FLI1: variants seen among roughly 807,000 people sequenced by gnomAD.
The protein encoded by FLI1 is Friend leukemia integration 1 transcription factor.
Under a neutral mutation model 53.1 loss-of-function variants are expected in FLI1, and 13 were observed. The ratio of observed to expected loss-of-function variants is 0.24; its 90% confidence interval spans 0.16 to 0.39. The LOEUF is 0.39. FLI1 is among the 10% of genes least tolerant of loss of function. The pLI, the probability that FLI1 is intolerant of heterozygous loss-of-function variation, is 1.00. For missense variants in FLI1, 424 were observed against 600.5 expected (o/e 0.71, Z 3.07); for synonymous variants, 244 against 236.7 (o/e 1.03, Z -0.28).
rs779993972 is a variant in FLI1 at position 128,810,860 on chromosome 11, A to T, written c.1231A>T (p.Thr411Ser). Reference protein sequence around the residue: ...VPPHPSSMPVTSSSFFGAASQ... With the variant: ...VPPHPSSMPVSSSSFFGAASQ... ...TCCCCATCCATCCTCCATGCCTGTC[A>T]CTTCCTCCAGCTTCTTTGGAGCCGC... Residue 411 changes from threonine (T) to serine (S), a missense_variant, in exon 9 of 9, where the codon ACT (threonine) becomes TCT (serine). Transcript: ENST00000527786. The surrounding 1 kb of genome is among the most constrained non-coding windows in gnomAD (Gnocchi z 6.6). 5.5e-5 allele frequency: 89 copies of T among 1,613,868 alleles called. No homozygotes were observed. The highest frequency in any genetic ancestry group is 7.4e-5 in the Non-Finnish European group (87 of 1,179,884).
chr11:128,686,244 T>C (rs1439567654), upstream of FLI1: 3 of 430,302 alleles, frequency 7.0e-6, no homozygotes, highest in Non-Finnish European at 4.7e-6. Flanking sequence ...CTGGTCGCGT[T>C]CTCTCCTCAA....
At chr11:128,770,838 C>T (rs1418971695) in intron 3 of FLI1, among the ~76,000 whole-genome samples, 1 of 152,182 alleles carries the variant, frequency 6.6e-6, no homozygotes, top group African/African-American at 2.4e-5. Flanking sequence ...CTAATTGCTT[C>T]TGGAGAGTAA....
intron 1 of FLI1, among the ~76,000 whole-genome samples, chr11:128,727,556 G>T (rs775165438): frequency 3.3e-5 from 5 of 152,208 alleles, no homozygotes; most frequent in Non-Finnish European, 5.9e-5. Context: ...AAGGGCTGAT[G>T]TATCAGCTTC....
chr11:128,716,655 T>A (rs1477248554), intron 1 of FLI1, among the ~76,000 whole-genome samples: 1 of 152,102 alleles, frequency 6.6e-6, no homozygotes, highest in Non-Finnish European at 1.5e-5. Flanking sequence ...CTGCTCCTGA[T>A]GGAATGGAGT....
At chr11:128,802,082 T>A (rs1051518816) in intron 5 of FLI1, among the ~76,000 whole-genome samples, 5 of 152,208 alleles carry the variant, frequency 3.3e-5, no homozygotes, top group Admixed American at 6.5e-5. Context: ...ATTGCTAACA[T>A]CCACTGAGGC....
chr11:128,714,649 A>G (rs1938927106), intron 1 of FLI1, among the ~76,000 whole-genome samples: 1 of 149,092 alleles, frequency 6.7e-6, no homozygotes, highest in African/African-American at 2.5e-5. Flanking sequence ...AATGATGATG[A>G]TGATGATGGT....
chr11:128,757,044 T>TTTCTTTCTTTCTTTCTTTC (rs1555116906), intron 1 of FLI1, among the ~76,000 whole-genome samples: 1 of 107,028 alleles, frequency 9.3e-6, no homozygotes, highest in Non-Finnish European at 1.9e-5. Flanking sequence ...CTAGCTAATT[T>TTTCTTTCTTTCTTTCTTTC]TTTCTTTCTT....
At chr11:128,759,663 G>T (rs187226451) in intron 2 of FLI1, among the ~76,000 whole-genome samples, 2 of 152,338 alleles carry the variant, frequency 1.3e-5, no homozygotes. Context: ...GGCTGGTGCT[G>T]TGAGCAGCCG....
In FLI1 at chr11:128,763,983, C is replaced by T. The variant is rs11221461; in HGVS notation, c.231-4135C>T. On this transcript the variant is annotated intron_variant, in intron 2 of 8. Coordinates refer to ENST00000527786, the MANE Select transcript of FLI1 (RefSeq NM_002017.5). The stretch of plus-strand genomic sequence containing the variant: ...TAATTTTTGCACAGGGTGCATACTA[C>T]GCAGGAGTTACACGCCGCGGGTCCT... Among the ~76,000 whole-genome samples the T allele has an allele frequency of 1.6e-4, 25 of 152,326 alleles. No individual in the cohort carries two copies. In the East Asian group the frequency reaches 2.5e-3, roughly 15 times the overall value.
intron 1 of FLI1, among the ~76,000 whole-genome samples, chr11:128,754,235 ATGTGTGTG>A (rs57171401): frequency 0.12 from 17,467 of 145,630 alleles, 1,216 homozygotes; most frequent in East Asian, 0.23. Context: ...TAGAAGGGGG[ATGTGTGTG>A]TGTGTGTGTG....
intron 1 of FLI1, among the ~76,000 whole-genome samples, chr11:128,756,453 G>A (rs1050205444): frequency 1.3e-5 from 2 of 152,090 alleles, no homozygotes; most frequent in African/African-American, 2.4e-5. Context: ...CTCCTTAAAG[G>A]TCCTATCTCC....
At chr11:128,808,811 A>C (rs1942859181) in intron 7 of FLI1, among the ~76,000 whole-genome samples, 1 of 152,226 alleles carries the variant, frequency 6.6e-6, no homozygotes, top group African/African-American at 2.4e-5. Context: ...CTTTAAGCCC[A>C]TGGAGTCAGC....
intron 1 of FLI1, among the ~76,000 whole-genome samples, chr11:128,714,733 A>G (rs1043038671): frequency 8.3e-6 from 1 of 121,144 alleles, no homozygotes; most frequent in East Asian, 2.4e-4. Context: ...TTTTTTTGAC[A>G]GAGTCTTGCT....
intron 1 of FLI1, among the ~76,000 whole-genome samples, chr11:128,694,931 C>T (rs1379499521): frequency 6.6e-6 from 1 of 152,158 alleles, no homozygotes; most frequent in Non-Finnish European, 1.5e-5. Flanking sequence ...CCGCGGGACT[C>T]CTGGGCCGGC....
upstream of FLI1, chr11:128,693,987 A>AGAGAGAGG (rs1937894697): frequency 3.4e-6 from 1 of 297,248 alleles, no homozygotes; most frequent in African/African-American, 2.7e-5. Context: ...AGAGAGAGAG[A>AGAGAGAGG]GAGAGATAGG....
chr11:128,786,371 A>G (rs971640269), intron 5 of FLI1, among the ~76,000 whole-genome samples: 1 of 152,216 alleles, frequency 6.6e-6, no homozygotes, highest in African/African-American at 2.4e-5. Context: ...GTTTTTTGTC[A>G]TTGTCATTGA....
intron 1 of FLI1, among the ~76,000 whole-genome samples, chr11:128,718,050 T>C (rs1160741969): frequency 1.3e-5 from 2 of 152,192 alleles, no homozygotes; most frequent in Admixed American, 1.3e-4. Flanking sequence ...GCCTCATAGA[T>C]AATGGCATCC....
At chr11:128,809,342 G>A (rs1942875787) in intron 8 of FLI1, 138 bp downstream of exon 8, 2 of 769,522 alleles carry the variant, frequency 2.6e-6, no homozygotes, top group East Asian at 5.2e-5. Context: ...TTCAATGTCT[G>A]TTTCTGGAGC....
chr11:128,806,700 G>T (rs565142139), intron 6 of FLI1: 2 of 152,552 alleles, frequency 1.3e-5, no homozygotes, highest in South Asian at 4.1e-4. Flanking sequence ...AATGGAAGGG[G>T]TGTGTGAGAG....
Sources: gnomAD v4.1 joint callset for allele counts (sites outside exome capture counted in the v4.1 genomes callset) on GRCh38, gnomAD v4.1.1 for gene constraint, Gnocchi (gnomAD v3.1) non-coding constraint, MANE v1.5 for transcripts, NCBI Gene and HGNC (gene_info 2026-07-23, HGNC 2026-07-21) for gene names.